Variants in EXTL3 observed in about 807,000 individuals in gnomAD.
The protein encoded by EXTL3 is exostosin like glycosyltransferase 3, also known as exostosin-like 3.
Under a neutral mutation model 69.3 loss-of-function variants are expected in EXTL3, and 27 were observed. The ratio of observed to expected loss-of-function variants is 0.39; its 90% CI spans 0.29 to 0.54. EXTL3 has a LOEUF of 0.54. Ranked by LOEUF, EXTL3 falls within the 20% of genes least tolerant of loss-of-function variation. EXTL3 has a pLI of 0.69. For synonymous variants in EXTL3, 511 were observed against 499.4 expected (o/e 1.02, Z -0.31); for missense variants, 1,003 against 1,231.8 (o/e 0.81, Z 2.78).
chr8:28,639,966 G>A (rs1338362228), intron 1 of EXTL3, among the ~76,000 whole-genome samples: 1 of 152,184 alleles, frequency 6.6e-6, no homozygotes, highest in Non-Finnish European at 1.5e-5. Context: ...CAAGTGTGGT[G>A]GTGCATGCTT....
intron 1 of EXTL3, among the ~76,000 whole-genome samples, chr8:28,702,167 C>T (rs1400528367): frequency 6.6e-6 from 1 of 151,968 alleles, no homozygotes; most frequent in Non-Finnish European, 1.5e-5. Context: ...ATCTGCCCCC[C>T]GCTTCTACAC....
At chr8:28,688,845 T>G (rs368867489) in intron 1 of EXTL3, among the ~76,000 whole-genome samples, 1 of 152,190 alleles carries the variant, frequency 6.6e-6, no homozygotes, top group Admixed American at 6.5e-5. Context: ...GCACCTAGTT[T>G]CAGAAAGGAG....
chr8:28,686,834 A>G (rs916404367), intron 1 of EXTL3, among the ~76,000 whole-genome samples: 1 of 152,198 alleles, frequency 6.6e-6, no homozygotes, highest in African/African-American at 2.4e-5. Context: ...TGTGCCAGCT[A>G]TTTTACATAT....
chr8:28,682,644 A>G (rs1410878730), intron 1 of EXTL3, among the ~76,000 whole-genome samples: 1 of 152,078 alleles, frequency 6.6e-6, no homozygotes, highest in Non-Finnish European at 1.5e-5. Flanking sequence ...AGGTTTCACC[A>G]TGTTGGCCAG....
chr8:28,620,064 G>A (rs1806390860), upstream of EXTL3, among the ~76,000 whole-genome samples: 1 of 151,452 alleles, frequency 6.6e-6, no homozygotes, highest in South Asian at 2.1e-4. Flanking sequence ...TAGTAGAGAC[G>A]GGGTTTCACT....
chr8:28,662,321 G>A lies in EXTL3; in HGVS notation c.-53+39511G>A, dbSNP rs371200602. ...CTTTTGCTGGTCACCCTATCATACT[G>A]CACAAAAAGTATAGACCTATATTGA... is the stretch of plus-strand genomic sequence containing the variant. On this transcript the variant is annotated intron_variant, in intron 1 of 6. Coordinates refer to the EXTL3 transcript ENST00000523149. Among the ~76,000 whole-genome samples the A allele has an allele frequency of 5.9e-5, 9 of 151,938 alleles. No individual in the cohort carries two copies. In the East Asian group the frequency reaches 9.7e-4, roughly 16 times the overall value.
rs1014394797 is a variant in EXTL3 at position 28,689,707 on chromosome 8, A to T, written c.-52-23750A>T. On this transcript the variant is annotated intron_variant, in intron 1 of 6. Transcript: ENST00000523149. ...ATGCTCCTCTTTTAAGGTATGGATG[A>T]GTCTAGCAAAGATTTGGACAGCTGG... 5.9e-5 allele frequency among the ~76,000 whole-genome samples: 9 copies of T among 152,230 alleles called. No individual in the cohort carries two copies. In the East Asian group the frequency reaches 1.7e-3, roughly 29 times the overall value.
chr8:28,675,242 G>A (rs1012904511), intron 1 of EXTL3, among the ~76,000 whole-genome samples: 1 of 152,106 alleles, frequency 6.6e-6, no homozygotes, highest in Non-Finnish European at 1.5e-5. Context: ...TCTAAAGCAG[G>A]CATCTGGTAT....
upstream of EXTL3, chr8:28,700,735 G>A (rs549031189): frequency 3.3e-5 from 5 of 152,374 alleles, no homozygotes; most frequent in African/African-American, 1.2e-4. Flanking sequence ...TTAAAAGCTG[G>A]TTTCTAAGTT....
At chr8:28,749,657 TCATTCATTATTC>T (rs906620692) in intron 6 of EXTL3, among the ~76,000 whole-genome samples, 3 of 142,860 alleles carry the variant, frequency 2.1e-5, no homozygotes, top group African/African-American at 7.9e-5. Context: ...ATTCATTCAT[TCATTCATTATTC>T]ATTGTTTATT....
At chr8:28,654,662 C>A (rs1330719798) in intron 1 of EXTL3, among the ~76,000 whole-genome samples, 3 of 152,166 alleles carry the variant, frequency 2.0e-5, no homozygotes, top group Non-Finnish European at 4.4e-5. Context: ...AATATCATCT[C>A]TAATACCATC....
chr8:28,713,965 G>C (rs1284129826), intron 2 of EXTL3, among the ~76,000 whole-genome samples: 1 of 138,286 alleles, frequency 7.2e-6, no homozygotes, highest in Non-Finnish European at 1.5e-5. Flanking sequence ...GGAGTGCAAT[G>C]GTGCGATCTC....
chr8:28,726,654 A>ACTAGATAC (rs2130762094), intron 3 of EXTL3, among the ~76,000 whole-genome samples: 1 of 152,216 alleles, frequency 6.6e-6, no homozygotes, highest in Non-Finnish European at 1.5e-5. Context: ...GCTTCTGCCC[A>ACTAGATAC]CTAGATACTA....
intron 1 of EXTL3, among the ~76,000 whole-genome samples, chr8:28,642,943 A>G (rs1005566963): frequency 1.5e-4 from 3 of 19,972 alleles, no homozygotes; most frequent in African/African-American, 4.6e-4. Flanking sequence ...TGTAGGGTAC[A>G]GAAATAATAA....
Position 28,717,010 on chromosome 8 carries a change from A to G in EXTL3, c.951A>G (p.Ser317=). 1 of 1,614,180 alleles carries G rather than the reference A, an allele frequency of 6.2e-7. No homozygotes were observed. Among genetic ancestry groups the G allele is most frequent in the Non-Finnish European group, 8.5e-7 (1 of 1,180,034 alleles). The change falls in exon 3 of 7, where the codon TCA becomes TCG. Residue 317 remains serine (S), a synonymous_variant. Transcript: ENST00000220562. This position sits in a 1 kb window ranked among gnomAD's most constrained non-coding sequence, Gnocchi z 8.3. The part of the protein sequence containing the change: ...QYRPGFDLVV[S]PLVHAMSEPN... ...GACCTGGCTTTGACTTGGTCGTATCACCGCTGGTCCATGCCATGTCTGAGC... is the reference window on the plus strand; with the variant it reads ...GACCTGGCTTTGACTTGGTCGTATCGCCGCTGGTCCATGCCATGTCTGAGC...
chr8:28,722,110 A>G (rs981811146), intron 3 of EXTL3, among the ~76,000 whole-genome samples: 1 of 152,182 alleles, frequency 6.6e-6, no homozygotes, highest in African/African-American at 2.4e-5. Flanking sequence ...AGAGGAGGCC[A>G]TGTAAATTCT....
intron 1 of EXTL3, among the ~76,000 whole-genome samples, chr8:28,693,505 A>ATT (rs1016266574): frequency 7.0e-6 from 1 of 143,534 alleles, no homozygotes; most frequent in Admixed American, 7.0e-5. Context: ...TTGAATGTTT[A>ATT]TTTTTTTTTT....
At chr8:28,711,236 A>T (rs891663468) in intron 1 of EXTL3, among the ~76,000 whole-genome samples, 4 of 151,294 alleles carry the variant, frequency 2.6e-5, no homozygotes, top group Non-Finnish European at 5.9e-5. Context: ...TTTCTTTGTC[A>T]TTCTTGTAGG....
downstream of EXTL3, among the ~76,000 whole-genome samples, chr8:28,756,068 T>A (rs1292389904): frequency 2.0e-5 from 3 of 152,180 alleles, no homozygotes; most frequent in South Asian, 6.2e-4. Context: ...TCATTATAGG[T>A]CAATGTTTGT....
Sources: allele counts gnomAD v4.1 joint callset (sites outside exome capture counted in the v4.1 genomes callset), GRCh38; gene constraint gnomAD v4.1.1; non-coding constraint Gnocchi (gnomAD v3.1); transcripts MANE v1.5; gene names NCBI Gene and HGNC (gene_info 2026-07-23, HGNC 2026-07-21).